CHODL: variants seen among roughly 807,000 people sequenced by gnomAD.
CHODL encodes chondrolectin, also known as transmembrane protein MT75.
CHODL carries 29 observed loss-of-function variants against 34.5 expected under a neutral mutation model. The observed-to-expected ratio is 0.84, with a 90% CI of 0.63 to 1.15. CHODL has a LOEUF of 1.15. Ranked by LOEUF, CHODL falls within the 50% of genes most tolerant of loss-of-function variation. CHODL has a pLI of 0.00. For missense variants in CHODL, 332 were observed against 332.5 expected (o/e 1.00, Z 0.01); for synonymous variants, 125 against 116.1 (o/e 1.08, Z -0.49).
intron 2 of CHODL, among the ~76,000 whole-genome samples, chr21:18,192,823 G>A (rs953957615): frequency 6.6e-6 from 1 of 151,934 alleles, no homozygotes; most frequent in African/African-American, 2.4e-5. Flanking sequence ...ATCCCATTTT[G>A]GCTCAAGCTA....
At chr21:18,235,209 A>G (rs1034767907) in intron 2 of CHODL, among the ~76,000 whole-genome samples, 1 of 152,052 alleles carries the variant, frequency 6.6e-6, no homozygotes, top group Non-Finnish European at 1.5e-5. Flanking sequence ...AAGAAGCCCA[A>G]AATTTGTTCT....
intron 2 of CHODL, among the ~76,000 whole-genome samples, chr21:18,115,150 A>G (rs2824630): frequency 0.38 from 57,267 of 152,108 alleles, 12,487 homozygotes; most frequent in East Asian, 0.78. Context: ...AGGAGATGAG[A>G]GTGACTCAGT....
chr21:17,983,708 T>C (rs1039767431), intron 1 of CHODL, among the ~76,000 whole-genome samples: 8 of 152,234 alleles, frequency 5.3e-5, no homozygotes, highest in African/African-American at 1.9e-4. Context: ...TGCCTGTTTC[T>C]TTGGAATTCT....
At chr21:18,068,936 G>A (rs929244422) in intron 2 of CHODL, among the ~76,000 whole-genome samples, 3 of 152,078 alleles carry the variant, frequency 2.0e-5, no homozygotes, top group Non-Finnish European at 2.9e-5. Context: ...AACAGTGGCA[G>A]CCAGAGAATT....
chr21:17,951,239 T>G (rs536866727), intron 1 of CHODL, among the ~76,000 whole-genome samples: 19 of 152,252 alleles, frequency 1.2e-4, no homozygotes, highest in Middle Eastern at 6.8e-3. Context: ...TCTTTCAGCC[T>G]AGGATCCAAT....
At chr21:18,219,329 C>G (rs1201712483) in intron 2 of CHODL, among the ~76,000 whole-genome samples, 1 of 152,094 alleles carries the variant, frequency 6.6e-6, no homozygotes, top group Non-Finnish European at 1.5e-5. Context: ...CCTTGTAAAA[C>G]CATCAGATCT....
chr21:18,086,924 G>T (rs892721718), intron 2 of CHODL, among the ~76,000 whole-genome samples: 1 of 152,212 alleles, frequency 6.6e-6, no homozygotes, highest in Non-Finnish European at 1.5e-5. Flanking sequence ...TGTCATGCAG[G>T]TGATTGCAGT....
At chr21:18,225,384 T>C (rs2073921930) in intron 2 of CHODL, among the ~76,000 whole-genome samples, 1 of 152,286 alleles carries the variant, frequency 6.6e-6, no homozygotes, top group South Asian at 2.1e-4. Context: ...CTTATAGTTG[T>C]CACCTTATAG....
intron 2 of CHODL, among the ~76,000 whole-genome samples, chr21:18,067,851 G>C: frequency 6.6e-6 from 1 of 152,072 alleles, no homozygotes; most frequent in East Asian, 1.9e-4. Context: ...CAACAGTCTA[G>C]CCAGAAAGGT....
intron 1 of CHODL, among the ~76,000 whole-genome samples, chr21:17,930,749 C>T (rs1427978953): frequency 6.6e-6 from 1 of 152,154 alleles, no homozygotes; most frequent in East Asian, 1.9e-4. Context: ...TTGAACTAAT[C>T]CAATCACCTG....
chr21:18,011,317 ATAGT>A (rs2064017784), intron 1 of CHODL, among the ~76,000 whole-genome samples: 1 of 152,182 alleles, frequency 6.6e-6, no homozygotes, highest in African/African-American at 2.4e-5. Flanking sequence ...GTACACATAA[ATAGT>A]TTGTTGTAAT....
chr21:18,196,104 A>G (rs1276384962), intron 2 of CHODL, among the ~76,000 whole-genome samples: 1 of 152,226 alleles, frequency 6.6e-6, no homozygotes, highest in African/African-American at 2.4e-5. Context: ...CATTTCATAA[A>G]TAAATGTGAA....
rs375101551 is a variant in CHODL at position 18,256,488 on chromosome 21, G to A, written c.80-21G>A. ...TAGAGTTCCGATTATCAATATATGG[G>A]CATCTTTTTTTTTTTTTCAGGCCAA... On this transcript the variant is annotated intron_variant, in intron 1 of 5. Coordinates refer to ENST00000299295, the MANE Select transcript of CHODL (RefSeq NM_024944.3). The A allele has an allele frequency of 5.4e-5, 83 of 1,533,832 alleles. No individual in the cohort carries two copies. The East Asian group carries it at 9.0e-4, about 17-fold the overall frequency.
At chr21:17,945,563 T>C (rs949958309) in intron 1 of CHODL, among the ~76,000 whole-genome samples, 1 of 151,980 alleles carries the variant, frequency 6.6e-6, no homozygotes, top group African/African-American at 2.4e-5. Flanking sequence ...TAAGAGGAGT[T>C]AAAGAATGAA....
intron 2 of CHODL, among the ~76,000 whole-genome samples, chr21:18,097,543 A>G (rs570827912): frequency 1.3e-5 from 2 of 152,280 alleles, no homozygotes; most frequent in Non-Finnish European, 2.9e-5. Context: ...AATGAAACGT[A>G]TAAAACACTG....
chr21:18,235,226 T>C (rs9305856), intron 2 of CHODL, among the ~76,000 whole-genome samples: 28,324 of 151,946 alleles, frequency 0.19, 3,360 homozygotes, highest in African/African-American at 0.35. Context: ...TTCTGTAGTC[T>C]AGAGTGTAAT....
chr21:18,042,454 C>A lies in CHODL; in HGVS notation c.-45+14483C>A, dbSNP rs189062688. 6.1e-4 allele frequency among the ~76,000 whole-genome samples: 93 copies of A among 152,010 alleles called. 1 individual carries two copies. The East Asian group carries it at 0.017, about 27-fold the overall frequency. ...TATAGAATTATAAATCAGAAAGAAG[C>A]CTTAGGGAATATTTATTCTAAAATT... On this transcript the variant is annotated intron_variant, in intron 2 of 6. Coordinates refer to the CHODL transcript ENST00000400127.
chr21:18,048,888 G>A (rs2064478082), intron 2 of CHODL, among the ~76,000 whole-genome samples: 1 of 151,616 alleles, frequency 6.6e-6, no homozygotes, highest in South Asian at 2.1e-4. Flanking sequence ...GAATATTATT[G>A]GTTATAGATT....
intron 2 of CHODL, among the ~76,000 whole-genome samples, chr21:18,098,644 A>AC (rs1380947561): frequency 1.3e-5 from 2 of 152,132 alleles, no homozygotes; most frequent in Admixed American, 1.3e-4. Flanking sequence ...AATTATTACA[A>AC]CCATTATGGA....
Sources: gnomAD v4.1 joint callset for allele counts (sites outside exome capture counted in the v4.1 genomes callset) on GRCh38, gnomAD v4.1.1 for gene constraint, MANE v1.5 for transcripts, NCBI Gene and HGNC (gene_info 2026-07-23, HGNC 2026-07-21) for gene names.